Variants in CHCHD3 observed in about 807,000 individuals in gnomAD.
CHCHD3 encodes coiled-coil-helix-coiled-coil-helix domain containing 3.
Under a neutral mutation model 38.2 loss-of-function variants are expected in CHCHD3, and 20 were observed. The observed-to-expected ratio is 0.52, with a 90% CI of 0.37 to 0.76. The LOEUF is 0.76. Among genes scored for constraint, CHCHD3 ranks in the 30% least tolerant of loss-of-function variants. The pLI is 0.00. For missense variants in CHCHD3, 245 were observed against 279.2 expected (o/e 0.88, Z 0.87); for synonymous variants, 82 against 100.0 (o/e 0.82, Z 1.07).
chr7:132,846,853 G>T (rs992678435), intron 5 of CHCHD3, among the ~76,000 whole-genome samples: 1 of 152,244 alleles, frequency 6.6e-6, no homozygotes, highest in Non-Finnish European at 1.5e-5. Context: ...ACTTCAGCCT[G>T]CAATGCTACC....
At chr7:132,867,933 C>T (rs140273805) in intron 5 of CHCHD3, among the ~76,000 whole-genome samples, 34 of 152,198 alleles carry the variant, frequency 2.2e-4, no homozygotes, top group African/African-American at 8.2e-4. Flanking sequence ...TACCATATTT[C>T]GTACCACAGA....
intron 6 of CHCHD3, among the ~76,000 whole-genome samples, chr7:132,810,993 C>G (rs1807056338): frequency 6.6e-6 from 1 of 152,186 alleles, no homozygotes; most frequent in African/African-American, 2.4e-5. Context: ...TTCATGCCAT[C>G]TGCAGCCTCC....
chr7:133,081,999 C>G lies in CHCHD3; in HGVS notation c.-62G>C. On this transcript the variant is annotated 5_prime_UTR_variant, in exon 1 of 8. Transcript: ENST00000262570. Reference sequence around the variant, plus strand: ...AACCACGAGCACTTCGGGGCCCCCGCACCCACACGCGCGTGGAAGGGCCTG... The same window carrying G: ...AACCACGAGCACTTCGGGGCCCCCGGACCCACACGCGCGTGGAAGGGCCTG... 7.1e-7 allele frequency: 1 copy of G among 1,401,704 alleles called. No individual in the cohort carries two copies. The highest frequency in any genetic ancestry group is 9.6e-7 in the Non-Finnish European group (1 of 1,043,244). 86.8% of individuals were successfully genotyped at this position (1,401,704 alleles called of 1,614,324 possible).
At chr7:133,043,083 G>C (rs28519693) in intron 2 of CHCHD3, among the ~76,000 whole-genome samples, 58,675 of 151,788 alleles carry the variant, frequency 0.39, 11,549 homozygotes, top group East Asian at 0.55. Context: ...GTCCAGGCTG[G>C]TCTCAAACTT....
chr7:132,916,766 A>G (rs1585635186), intron 4 of CHCHD3, among the ~76,000 whole-genome samples: 1 of 151,888 alleles, frequency 6.6e-6, no homozygotes, highest in Non-Finnish European at 1.5e-5. Context: ...TTTGGTAGAG[A>G]TGGGGTCTCT....
chr7:133,082,009 C>T lies in CHCHD3; in HGVS notation c.-72G>A. 1 of 1,338,990 alleles carries T rather than the reference C, an allele frequency of 7.5e-7. No homozygotes were observed. Among genetic ancestry groups the T allele is most frequent in the Non-Finnish European group, 1.0e-6 (1 of 989,964 alleles). The allele number at this position is 1,338,990 out of a possible 1,614,324, so 82.9% of individuals were successfully genotyped here. The stretch of plus-strand genomic sequence containing the variant: ...ACTTCGGGGCCCCCGCACCCACACG[C>T]GCGTGGAAGGGCCTGGATTCTTTTC... On this transcript the variant is annotated 5_prime_UTR_variant, in exon 1 of 8. Transcript: ENST00000262570.
At chr7:132,869,215 C>T (rs1808706188) in intron 5 of CHCHD3, among the ~76,000 whole-genome samples, 2 of 152,196 alleles carry the variant, frequency 1.3e-5, no homozygotes. Context: ...ACCCTGGCTA[C>T]TTCCTTAACA....
rs1806378638 is a variant in CHCHD3, at chr7:132,788,397, T to C, written c.661-2737A>G. Among the ~76,000 whole-genome samples, 1 of 152,206 alleles carries C rather than the reference T, an allele frequency of 6.6e-6. No homozygotes were observed. Among genetic ancestry groups the C allele is most frequent in the Admixed American group, 6.5e-5 (1 of 15,288 alleles). On this transcript the variant is annotated intron_variant, in intron 7 of 7. Coordinates refer to ENST00000262570, the MANE Select transcript of CHCHD3 (RefSeq NM_017812.4). The surrounding 1 kb of genome is among the most constrained non-coding windows in gnomAD (Gnocchi z 4.0). ...AAGATTACATAGCTGTACCCCTCTC[T>C]ACAATTTTGGGCTTAGGGTTACAAG...
At chr7:133,071,515 C>G (rs1240763532) in intron 1 of CHCHD3, among the ~76,000 whole-genome samples, 1 of 152,152 alleles carries the variant, frequency 6.6e-6, no homozygotes, top group Non-Finnish European at 1.5e-5. Flanking sequence ...ATCAGATTTA[C>G]ACTTTAGGAA....
At chr7:132,919,100 C>CTTTTCTT (rs1810193320) in intron 4 of CHCHD3, among the ~76,000 whole-genome samples, 7 of 69,502 alleles carry the variant, frequency 1.0e-4, no homozygotes, top group Admixed American at 2.4e-4. Context: ...TGGGTTTATT[C>CTTTTCTT]TTTTTTTTTT....
intron 6 of CHCHD3, among the ~76,000 whole-genome samples, chr7:132,808,824 C>T (rs936212616): frequency 1.6e-4 from 24 of 151,558 alleles, no homozygotes; most frequent in African/African-American, 3.2e-4. Flanking sequence ...CATGCTGGTA[C>T]GCTGCACCCA....
At position 133,043,279 on chromosome 7, in the gene CHCHD3, TATTTC is replaced by T. The variant is rs540808474; in HGVS notation, c.170-18657_170-18653del. ...AAAATTTAAATATGACACTATATTG[TATTTC>T]ATTTGTGGACCAACCATATTTTTTA... On this transcript the variant is annotated intron_variant, in intron 2 of 7. Transcript: ENST00000262570. 5.3e-4 allele frequency among the ~76,000 whole-genome samples: 80 copies of T among 152,318 alleles called. 1 individual carries two copies. In the East Asian group the frequency reaches 0.013, roughly 26 times the overall value.
chr7:132,880,448 C>T (rs1361253943), intron 5 of CHCHD3, among the ~76,000 whole-genome samples: 1 of 152,170 alleles, frequency 6.6e-6, no homozygotes, highest in Non-Finnish European at 1.5e-5. Flanking sequence ...ACTTGACTTT[C>T]TCCCAGGATA....
chr7:133,047,186 T>C (rs185038188), intron 2 of CHCHD3, among the ~76,000 whole-genome samples: 1 of 152,312 alleles, frequency 6.6e-6, no homozygotes, highest in African/African-American at 2.4e-5. Context: ...CAATGGGACT[T>C]CTTTTTTTTT....
At chr7:133,025,596 C>T (rs1035930873) in intron 2 of CHCHD3, among the ~76,000 whole-genome samples, 3 of 152,216 alleles carry the variant, frequency 2.0e-5, no homozygotes, top group African/African-American at 7.2e-5. Flanking sequence ...CCTCCGCCTC[C>T]TGGGTTCAAG....
At chr7:132,954,639 A>G (rs1015533456) in intron 4 of CHCHD3, among the ~76,000 whole-genome samples, 2 of 152,106 alleles carry the variant, frequency 1.3e-5, no homozygotes, top group Admixed American at 1.3e-4. Flanking sequence ...GTTCAGAGAC[A>G]AGGGGAGCCC....
intron 6 of CHCHD3, chr7:132,815,484 C>T (rs1034345851): frequency 4.5e-6 from 2 of 447,572 alleles, no homozygotes; most frequent in Admixed American, 4.9e-5. Context: ...CCTTTTAGGT[C>T]CCTGCAAATG....
chr7:133,018,921 T>G (rs1029471204), intron 3 of CHCHD3, among the ~76,000 whole-genome samples: 6 of 147,306 alleles, frequency 4.1e-5, no homozygotes, highest in African/African-American at 1.5e-4. Context: ...TTCGCTCTTA[T>G]TGCCCAGGCT....
intron 2 of CHCHD3, among the ~76,000 whole-genome samples, chr7:133,051,677 T>C (rs955673536): frequency 6.6e-6 from 1 of 152,212 alleles, no homozygotes; most frequent in Non-Finnish European, 1.5e-5. Flanking sequence ...AGAGATAAAA[T>C]TGCATTTCAG....
Sources: allele counts gnomAD v4.1 joint callset (sites outside exome capture counted in the v4.1 genomes callset), GRCh38; gene constraint gnomAD v4.1.1; non-coding constraint Gnocchi (gnomAD v3.1); transcripts MANE v1.5; gene names NCBI Gene and HGNC (gene_info 2026-07-23, HGNC 2026-07-21).